Variants in PABPC4L observed in about 807,000 individuals in gnomAD.
PABPC4L encodes the protein poly(A) binding protein cytoplasmic 4 like.
For missense variants in PABPC4L, 452 were observed against 451.4 expected, an observed-to-expected ratio of 1.00 and a Z score of -0.01; for synonymous variants, 169 against 164.1, an observed-to-expected ratio of 1.03 and a Z score of -0.23.
chr4:134,087,731 C>G, the PABPC4L span, among the ~76,000 whole-genome samples: 2 of 152,174 alleles, frequency 1.3e-5, no homozygotes, highest in Non-Finnish European at 2.9e-5. Context: ...ACTTCCTCAT[C>G]AAGGGACTTT....
At chr4:134,000,887 A>G in the PABPC4L span, among the ~76,000 whole-genome samples, 3 of 152,068 alleles carry the variant, frequency 2.0e-5, no homozygotes, top group East Asian at 5.8e-4. Context: ...ACCCTACACC[A>G]CCGGTTTTCC....
the PABPC4L span, among the ~76,000 whole-genome samples, chr4:134,023,036 A>C: frequency 5.9e-5 from 9 of 152,048 alleles, no homozygotes; most frequent in Non-Finnish European, 1.3e-4. Context: ...AAGTTGATTT[A>C]GCCAGAAAGA....
At chr4:134,094,573 T>C in the PABPC4L span, among the ~76,000 whole-genome samples, 1 of 151,910 alleles carries the variant, frequency 6.6e-6, no homozygotes, top group East Asian at 1.9e-4. Context: ...AAACATTTCA[T>C]ATAGTTTTCT....
the PABPC4L span, among the ~76,000 whole-genome samples, chr4:133,968,832 G>C: frequency 2.0e-5 from 3 of 152,112 alleles, no homozygotes; most frequent in Non-Finnish European, 4.4e-5. Flanking sequence ...TTTATCTCAA[G>C]CCATACAAGA....
chr4:134,161,244 GA>G, the PABPC4L span, among the ~76,000 whole-genome samples: 1 of 148,412 alleles, frequency 6.7e-6, no homozygotes, highest in African/African-American at 2.5e-5. Flanking sequence ...CACAGTCAGA[GA>G]AGAAAAAAAA....
At chr4:134,110,976 T>C in the PABPC4L span, among the ~76,000 whole-genome samples, 1 of 152,042 alleles carries the variant, frequency 6.6e-6, no homozygotes, top group African/African-American at 2.4e-5. Context: ...GACACACACT[T>C]GCCTTAGTCC....
chr4:134,198,606 G>C lies in PABPC4L; in HGVS notation c.*1301C>G, dbSNP rs950740617. 1 of 151,754 alleles carries C rather than the reference G, an allele frequency of 6.6e-6. No homozygotes were observed. Among genetic ancestry groups the C allele is most frequent in the African/African-American group, 2.4e-5 (1 of 41,394 alleles). The allele number at this position is 151,754 out of a possible 1,614,324, so 9.4% of individuals were successfully genotyped here. A position where few individuals can be genotyped will look rare whatever the true frequency, so the allele number is the denominator to read the frequency against. The stretch of plus-strand genomic sequence containing the variant: ...AGCACTTGCTTGCTAGATACCTTTG[G>C]TATGAATCAGAATTTGTAAAGCAAT... On this transcript the variant is annotated 3_prime_UTR_variant, in exon 2 of 2. Coordinates refer to ENST00000421491, the MANE Select transcript of PABPC4L (RefSeq NM_001114734.2).
chr4:134,055,313 T>A, the PABPC4L span, among the ~76,000 whole-genome samples: 5 of 152,050 alleles, frequency 3.3e-5, no homozygotes, highest in East Asian at 9.7e-4. Flanking sequence ...GTCTTAAGGG[T>A]GAGGCCTTGG....
chr4:134,085,220 T>G, the PABPC4L span, among the ~76,000 whole-genome samples: 1 of 152,238 alleles, frequency 6.6e-6, no homozygotes, highest in East Asian at 1.9e-4. Context: ...CTTGGCTGCC[T>G]CCTGTCTCTA....
the PABPC4L span, among the ~76,000 whole-genome samples, chr4:134,040,028 C>T: frequency 0.012 from 1,812 of 151,896 alleles, 32 homozygotes; most frequent in African/African-American, 0.041. Context: ...AGGGCCTCTT[C>T]GAGGAGAGCT....
At chr4:134,032,929 G>A in the PABPC4L span, among the ~76,000 whole-genome samples, 1 of 151,380 alleles carries the variant, frequency 6.6e-6, no homozygotes, top group Non-Finnish European at 1.5e-5. Context: ...AATACTGACT[G>A]GTTAGGATTA....
chr4:134,164,179 C>T, the PABPC4L span, among the ~76,000 whole-genome samples: 6 of 132,408 alleles, frequency 4.5e-5, no homozygotes, highest in South Asian at 2.6e-4. Context: ...AGGAGAATGG[C>T]GTGAACCCGG....
the PABPC4L span, among the ~76,000 whole-genome samples, chr4:134,054,641 T>C: frequency 6.6e-6 from 1 of 151,964 alleles, no homozygotes; most frequent in African/African-American, 2.4e-5. Context: ...TCACATAAAG[T>C]ATGTGATCAC....
At chr4:134,094,974 AAAAC>A in the PABPC4L span, among the ~76,000 whole-genome samples, 1 of 151,754 alleles carries the variant, frequency 6.6e-6, no homozygotes, top group Non-Finnish European at 1.5e-5. Flanking sequence ...TTTTATATGA[AAAAC>A]AAAGTTAGTG....
At chr4:134,102,796 T>C in the PABPC4L span, among the ~76,000 whole-genome samples, 1 of 151,552 alleles carries the variant, frequency 6.6e-6, no homozygotes, top group African/African-American at 2.4e-5. Flanking sequence ...TTGAACTTAA[T>C]AAATGTTATT....
chr4:134,070,432 T>A, the PABPC4L span, among the ~76,000 whole-genome samples: 5 of 152,054 alleles, frequency 3.3e-5, no homozygotes, highest in East Asian at 9.7e-4. Flanking sequence ...TGTGCAAGGC[T>A]GTTGGCCTCC....
chr4:133,966,797 G>A, the PABPC4L span, among the ~76,000 whole-genome samples: 1 of 152,104 alleles, frequency 6.6e-6, no homozygotes, highest in Non-Finnish European at 1.5e-5. Flanking sequence ...TGGACTTTGG[G>A]GACTTGGGGG....
At chr4:134,123,968 G>A in the PABPC4L span, among the ~76,000 whole-genome samples, 2 of 152,030 alleles carry the variant, frequency 1.3e-5, no homozygotes, top group African/African-American at 4.8e-5. Flanking sequence ...GTCTCAGAAA[G>A]AAGTGTTCAA....
At chr4:133,988,059 G>T in the PABPC4L span, among the ~76,000 whole-genome samples, 1 of 152,138 alleles carries the variant, frequency 6.6e-6, no homozygotes, top group Non-Finnish European at 1.5e-5. Context: ...CATGCAAATA[G>T]CATGGAGGTA....
Sources: allele counts gnomAD v4.1 joint callset (sites outside exome capture counted in the v4.1 genomes callset), GRCh38; gene constraint gnomAD v4.1.1; transcripts MANE v1.5; gene names NCBI Gene and HGNC (gene_info 2026-07-23, HGNC 2026-07-21).